Variants in ZP4 observed in about 807,000 individuals in gnomAD.
ZP4 encodes zona pellucida sperm-binding protein 4.
A neutral mutation model predicts 62.3 loss-of-function variants in ZP4; 62 were observed. The ratio of observed to expected loss-of-function variants is 0.99; its 90% CI spans 0.81 to 1.23. The LOEUF is 1.23. ZP4 is among the 50% of genes most tolerant of loss of function. ZP4 has a pLI of 0.00. For missense variants in ZP4, 774 were observed against 656.0 expected (o/e 1.18, Z -1.97); for synonymous variants, 289 against 247.3 (o/e 1.17, Z -1.58).
chr1:237,883,999 C>CACACACAA (rs1665019724), intron 10 of ZP4, among the ~76,000 whole-genome samples: 1 of 85,062 alleles, frequency 1.2e-5, no homozygotes, highest in African/African-American at 5.5e-5. Context: ...CACACACACA[C>CACACACAA]ACACACACAC....
chr1:237,886,755 C>G lies in ZP4; in HGVS notation c.839+16G>C, dbSNP rs762695200. On this transcript the variant is annotated intron_variant, in intron 6 of 11. Coordinates refer to ENST00000366570, the MANE Select transcript of ZP4 (RefSeq NM_021186.5). The stretch of plus-strand genomic sequence containing the variant: ...ACCTTATGGCAGATGGGAAGTCATT[C>G]TGGCCAAGCCCTTACCTGAAGATGC... 6 of 1,610,552 alleles carry G rather than the reference C, an allele frequency of 3.7e-6. No homozygotes were observed. Among genetic ancestry groups the G allele is most frequent in the Non-Finnish European group, 5.1e-6 (6 of 1,177,736 alleles).
chr1:237,884,159 C>T (rs1352036036), intron 10 of ZP4, among the ~76,000 whole-genome samples: 1 of 152,026 alleles, frequency 6.6e-6, no homozygotes, highest in Non-Finnish European at 1.5e-5. Context: ...TAAGATGGTT[C>T]ATTCTTTAGA....
chr1:237,889,376 G>T (rs692922), intron 3 of ZP4, among the ~76,000 whole-genome samples: 17,017 of 150,028 alleles, frequency 0.11, 3,227 homozygotes, highest in African/African-American at 0.39. Flanking sequence ...TGTAGTGCAA[G>T]GGCACGATCT....
At chr1:237,884,004 AC>A (rs1558530924) in intron 10 of ZP4, among the ~76,000 whole-genome samples, 4,181 of 90,178 alleles carry the variant, frequency 0.046, 90 homozygotes, top group Non-Finnish European at 0.064. Context: ...ACACACACAC[AC>A]ACACACACAC....
intron 10 of ZP4, among the ~76,000 whole-genome samples, chr1:237,884,053 A>AACACAC (rs147056609): frequency 4.0e-5 from 5 of 124,340 alleles, no homozygotes; most frequent in African/African-American, 1.8e-4. Flanking sequence ...AACACACACA[A>AACACAC]ACACACACAA....
chr1:237,885,642 C>T, intron 7 of ZP4, 62 bp from the exon 8 acceptor site: 1 of 1,596,352 alleles, frequency 6.3e-7, no homozygotes, highest in Non-Finnish European at 8.5e-7. Flanking sequence ...GGGACTGTCA[C>T]CCCTTTAAAT....
chr1:237,889,835 C>CCCCCAAAA, intron 3 of ZP4, 32 bp downstream of exon 3: 1 of 1,552,492 alleles, frequency 6.4e-7, no homozygotes, highest in South Asian at 1.1e-5. Context: ...CCCCACCACC[C>CCCCCAAAA]CCACAAGACC....
chr1:237,885,929 G>C, intron 6 of ZP4, 43 bp from the exon 7 acceptor site: 3 of 1,611,194 alleles, frequency 1.9e-6, no homozygotes, highest in Non-Finnish European at 2.5e-6. Flanking sequence ...GTGGGAAGTG[G>C]GTGTCAGTTA....
intron 3 of ZP4, among the ~76,000 whole-genome samples, chr1:237,889,618 T>A (rs1665189392): frequency 6.6e-6 from 1 of 152,104 alleles, no homozygotes; most frequent in Non-Finnish European, 1.5e-5. Flanking sequence ...TGGCCAGCAG[T>A]AGTATTTGCA....
chr1:237,885,179 C>T lies in ZP4; in HGVS notation c.1297G>A (p.Ala433Thr). The change falls in exon 9 of 12, where the codon GCC (alanine) becomes ACC (threonine). Residue 433 changes from alanine (A) to threonine (T), a missense_variant. Coordinates refer to ENST00000366570, the MANE Select transcript of ZP4 (RefSeq NM_021186.5). ...GAACATCCTACCGGTCCCCTGAGGG[C>T]CTGTTTCTCCACTGTAGGGTTCACA... ...SFVNPTVEKQ[A>T]LRGPVHLHCS... The T allele has an allele frequency of 1.9e-6, 3 of 1,613,814 alleles. No homozygotes were observed. Among genetic ancestry groups the T allele is most frequent in the Non-Finnish European group, 2.5e-6 (3 of 1,179,896 alleles).
At chr1:237,882,966 C>T (rs998338400) in intron 10 of ZP4, 120 bp from the exon 11 acceptor site, 20 of 674,694 alleles carry the variant, frequency 3.0e-5, no homozygotes, top group South Asian at 4.6e-5. Flanking sequence ...CTTACAAAAA[C>T]CTCATTAAGT....
At chr1:237,889,998 C>A in intron 2 of ZP4, 29 bp from the exon 3 acceptor site, 1 of 1,614,150 alleles carries the variant, frequency 6.2e-7, no homozygotes, top group Middle Eastern at 1.6e-4. Flanking sequence ...GGGGGTCAGC[C>A]TGGATGGTAG....
rs748418898 is a variant in ZP4, at chr1:237,882,860, G to A, written c.1391-14C>T. On this transcript the variant is annotated splice_polypyrimidine_tract_variant and intron_variant, in intron 10 of 11. Coordinates refer to ENST00000366570, the MANE Select transcript of ZP4 (RefSeq NM_021186.5). ...AATTTCTTCTTCCTGTTAGAGAAATGAGACCTAGTAATTCATTAGTTTTTG... is the reference window on the plus strand; with the variant it reads ...AATTTCTTCTTCCTGTTAGAGAAATAAGACCTAGTAATTCATTAGTTTTTG... 2 of 1,606,930 alleles carry A rather than the reference G, an allele frequency of 1.2e-6. No individual in the cohort carries two copies. Among genetic ancestry groups the A allele is most frequent in the Non-Finnish European group, 1.7e-6 (2 of 1,174,372 alleles).
At position 237,884,789 on chromosome 1, in the gene ZP4, A is replaced by G. The variant is rs922177842; in HGVS notation, c.1370T>C (p.Val457Ala). 7 of 1,613,658 alleles carry G rather than the reference A, an allele frequency of 4.3e-6. No homozygotes were observed. In the African/African-American group the frequency reaches 9.3e-5, roughly 22 times the overall value. ...CQPAETPSCVVTCPDLSRRRN... is the reference protein window; with the variant it reads ...CQPAETPSCVATCPDLSRRRN... ...CTCACGACTGAGATCAGGACAGGTC[A>G]CCACACAGGATGGTGTCTCAGCAGG... The change falls in exon 10 of 12, where the codon GTG becomes GCG. Residue 457 changes from valine (V) to alanine (A), a missense_variant. Transcript: ENST00000366570.
Position 237,883,837 on chromosome 1 carries a change from G to A in ZP4, c.1390+932C>T, listed in dbSNP as rs574052335. On this transcript the variant is annotated intron_variant, in intron 10 of 11. Coordinates refer to ENST00000366570, the MANE Select transcript of ZP4 (RefSeq NM_021186.5). Reference sequence around the variant, plus strand: ...AGAAAGGCTGGGCATAGTAGAATACGCCTGTAGTTTTAGTTGGGAGGCTGA... The same window carrying A: ...AGAAAGGCTGGGCATAGTAGAATACACCTGTAGTTTTAGTTGGGAGGCTGA... 9.2e-4 allele frequency among the ~76,000 whole-genome samples: 139 copies of A among 151,428 alleles called. 1 individual carries two copies. In the South Asian group the frequency reaches 0.022, roughly 23 times the overall value.
rs767172203 is a variant in ZP4, at chr1:237,882,789, C to A, written c.1448G>T (p.Gly483Val). Residue 483 changes from glycine (G) to valine (V), a missense_variant, in exon 11 of 12, where the codon GGC (glycine) becomes GTC (valine). Coordinates refer to ENST00000366570, the MANE Select transcript of ZP4 (RefSeq NM_021186.5). Reference protein sequence around the residue: ...QNTTASVSSKGPMILLQATKD... With the variant: ...QNTTASVSSKVPMILLQATKD... ...AGTGGCTTGGAGTAGAATCATGGGG[C>A]CTTTGCTAGAAACACTAGCAGTAGT... is the stretch of plus-strand genomic sequence containing the variant. 123 of 1,613,928 alleles carry A rather than the reference C, an allele frequency of 7.6e-5. No homozygotes were observed. Among genetic ancestry groups the A allele is most frequent in the Non-Finnish European group, 9.9e-5 (117 of 1,180,020 alleles).
intron 5 of ZP4, 34 bp from the exon 6 acceptor site, chr1:237,886,902 CT>C: frequency 6.3e-7 from 1 of 1,581,004 alleles, no homozygotes; most frequent in Non-Finnish European, 8.7e-7. Context: ...TTGATCATTT[CT>C]GTTAGTGTTA....
chr1:237,890,044 G>T lies in ZP4; in HGVS notation c.297+11C>A, dbSNP rs754519654. ...TTCACACAGTCTCCCTGGCCATTGG[G>T]TCATACTCACCCACTCAGTGACATA... On this transcript the variant is annotated intron_variant, in intron 2 of 11. Transcript: ENST00000366570. 6.2e-7 allele frequency: 1 copy of T among 1,614,022 alleles called. No homozygotes were observed. The highest frequency in any genetic ancestry group is 1.3e-5 in the African/African-American group (1 of 74,904).
At chr1:237,890,361 C>T (rs1014107078) in intron 1 of ZP4, 100 bp downstream of exon 1, 2 of 1,501,034 alleles carry the variant, frequency 1.3e-6, no homozygotes, top group African/African-American at 2.8e-5. Context: ...CAACAGGGCT[C>T]AGAAGGTGAA....
Sources: allele counts gnomAD v4.1 joint callset (sites outside exome capture counted in the v4.1 genomes callset), GRCh38; gene constraint gnomAD v4.1.1; transcripts MANE v1.5; gene names NCBI Gene and HGNC (gene_info 2026-07-23, HGNC 2026-07-21).